The following CREBBP variants were observed in gnomAD, a reference collection of about 807,000 sequenced individuals.
The protein encoded by CREBBP is CREB binding lysine acetyltransferase.
A neutral mutation model predicts 265.0 loss-of-function variants in CREBBP; 19 were observed. That is an observed-to-expected ratio of 0.07 (90% confidence interval 0.05 to 0.11). The LOEUF (loss-of-function observed/expected upper bound fraction) is 0.11, where lower values mean the gene tolerates loss of function less well. CREBBP is among the 10% of genes least tolerant of loss of function. CREBBP has a pLI of 1.00. For missense variants in CREBBP, 2,525 were observed against 3,219.0 expected (o/e 0.78, Z 5.22); for synonymous variants, 1,457 against 1,223.7 (o/e 1.19, Z -3.98).
intron 16 of CREBBP, among the ~76,000 whole-genome samples, chr16:3,763,446 C>A (rs903241266): frequency 6.6e-6 from 1 of 152,082 alleles, no homozygotes; most frequent in East Asian, 1.9e-4. Flanking sequence ...CAGGTGTGAA[C>A]CCCAAAGCCC....
intron 1 of CREBBP, among the ~76,000 whole-genome samples, chr16:3,857,546 T>C (rs2054988617): frequency 6.6e-6 from 1 of 152,112 alleles, no homozygotes; most frequent in Non-Finnish European, 1.5e-5. Context: ...CACACCAAAG[T>C]GTCCCAACAC....
intron 16 of CREBBP, 36 bp downstream of exon 16, chr16:3,767,684 A>G: frequency 2.5e-6 from 4 of 1,613,924 alleles, no homozygotes; most frequent in Non-Finnish European, 3.4e-6. Context: ...GTGGAAAAGC[A>G]GCATGCTTTA....
chr16:3,732,338 T>G (rs904354485), intron 28 of CREBBP, among the ~76,000 whole-genome samples: 4 of 151,976 alleles, frequency 2.6e-5, no homozygotes, highest in Admixed American at 2.0e-4. Flanking sequence ...CATGAGAGCT[T>G]CCAGGAGACA....
In CREBBP at chr16:3,731,179, G is replaced by T. The variant is rs750893559; in HGVS notation, c.5172+13C>A. The stretch of plus-strand genomic sequence containing the variant: ...AGGCCGGCTGTGGGGGTGGGGGTGG[G>T]GGCAGGGCCTACCTCGCACACAGTG... On this transcript the variant is annotated intron_variant, in intron 30 of 30. Coordinates refer to ENST00000262367, the MANE Select transcript of CREBBP (RefSeq NM_004380.3). This position sits in a 1 kb window ranked among gnomAD's most constrained non-coding sequence, Gnocchi z 7.7. 3.1e-6 allele frequency: 5 copies of T among 1,607,100 alleles called. No homozygotes were observed. Among genetic ancestry groups the T allele is most frequent in the Non-Finnish European group, 4.3e-6 (5 of 1,175,814 alleles).
At chr16:3,751,105 C>T (rs940121971) in intron 20 of CREBBP, among the ~76,000 whole-genome samples, 1 of 151,746 alleles carries the variant, frequency 6.6e-6, no homozygotes, top group Admixed American at 6.6e-5. Context: ...AAAATGGAAC[C>T]ACTAGGAAAA....
chr16:3,752,463 T>A (rs1395866245), intron 19 of CREBBP, among the ~76,000 whole-genome samples: 2 of 152,012 alleles, frequency 1.3e-5, no homozygotes, highest in Non-Finnish European at 2.9e-5. Context: ...CTGTTTTTTT[T>A]TTTTTCATGT....
chr16:3,786,037 T>A (rs1317636630), intron 5 of CREBBP, among the ~76,000 whole-genome samples: 1 of 152,260 alleles, frequency 6.6e-6, no homozygotes, highest in African/African-American at 2.4e-5. Flanking sequence ...CCACTCTTCA[T>A]GCACAAACAA....
intron 2 of CREBBP, among the ~76,000 whole-genome samples, chr16:3,812,391 C>T (rs1000911190): frequency 2.0e-5 from 3 of 151,974 alleles, no homozygotes; most frequent in African/African-American, 4.8e-5. Flanking sequence ...GTTGGCCAAG[C>T]TGGTCTTGAA....
Position 3,736,763 on chromosome 16 carries a change from T to C in CREBBP, c.4447A>G (p.Ile1483Val), listed in dbSNP as rs2151329829. 1 of 1,614,158 alleles carries C rather than the reference T, an allele frequency of 6.2e-7. No homozygotes were observed. The highest frequency in any genetic ancestry group is 8.5e-7 in the Non-Finnish European group (1 of 1,180,030). ...ACPPSEGDDYIFHCHPPDQKI... is the reference protein window; with the variant it reads ...ACPPSEGDDYVFHCHPPDQKI... ...TGATCAGGTGGGTGGCAATGGAAGA[T>C]GTAATCATCTCCTTCACTTGGAGGA... The change falls in exon 27 of 31, where the codon ATC becomes GTC. Residue 1483 changes from isoleucine to valine, a missense_variant. Ile to Val is a conservative substitution (Grantham distance 29). Transcript: ENST00000262367.
At chr16:3,799,270 T>G (rs1418065674) in intron 3 of CREBBP, among the ~76,000 whole-genome samples, 2 of 152,186 alleles carry the variant, frequency 1.3e-5, no homozygotes, top group Non-Finnish European at 1.5e-5. Flanking sequence ...ATATACTAAA[T>G]ACCACTCAAC....
chr16:3,785,296 TTCAC>T (rs1369746564), intron 5 of CREBBP, among the ~76,000 whole-genome samples: 1 of 152,214 alleles, frequency 6.6e-6, no homozygotes, highest in Non-Finnish European at 1.5e-5. Context: ...CCTTCGTGTA[TTCAC>T]TCACTCACGT....
intron 2 of CREBBP, among the ~76,000 whole-genome samples, chr16:3,843,875 G>A (rs1053237797): frequency 2.6e-5 from 4 of 151,936 alleles, no homozygotes; most frequent in Non-Finnish European, 4.4e-5. Context: ...TCGGCCGGGC[G>A]CGGTGGCTCA....
At chr16:3,825,294 G>A (rs1016941844) in intron 2 of CREBBP, among the ~76,000 whole-genome samples, 2 of 152,048 alleles carry the variant, frequency 1.3e-5, no homozygotes, top group Non-Finnish European at 2.9e-5. Context: ...CACTGCTAAG[G>A]GCATTAAGTT....
intron 13 of CREBBP, among the ~76,000 whole-genome samples, chr16:3,771,600 C>A (rs754392755): frequency 2.6e-5 from 4 of 151,946 alleles, no homozygotes; most frequent in Non-Finnish European, 5.9e-5. Flanking sequence ...TCTTGGAACG[C>A]CTGAAACTGC....
intron 11 of CREBBP, among the ~76,000 whole-genome samples, chr16:3,775,197 C>T (rs753804895): frequency 2.0e-4 from 31 of 152,200 alleles, no homozygotes; most frequent in Non-Finnish European, 3.7e-4. Context: ...GCTGGGTTTA[C>T]ATTCATTGTT....
At chr16:3,761,695 G>C in intron 16 of CREBBP, 2 of 450,284 alleles carry the variant, frequency 4.4e-6, no homozygotes, top group Non-Finnish European at 4.3e-6. Flanking sequence ...CCACGCACAC[G>C]GTCCCCAGCA....
intron 23 of CREBBP, among the ~76,000 whole-genome samples, chr16:3,743,918 A>G (rs755731802): frequency 6.6e-6 from 1 of 152,140 alleles, no homozygotes; most frequent in Non-Finnish European, 1.5e-5. Flanking sequence ...TCTACTAAAA[A>G]TACAAAAATT....
At chr16:3,772,046 C>G (rs2053023451) in intron 13 of CREBBP, among the ~76,000 whole-genome samples, 2 of 151,850 alleles carry the variant, frequency 1.3e-5, no homozygotes, top group South Asian at 4.2e-4. Flanking sequence ...CACAGTTGAC[C>G]CCAGGTAACT....
chr16:3,747,991 G>A (rs1392001333), intron 21 of CREBBP, among the ~76,000 whole-genome samples: 2 of 152,246 alleles, frequency 1.3e-5, no homozygotes, highest in African/African-American at 2.4e-5. Flanking sequence ...TCGGGAGGCT[G>A]AGGCAGGAGA....
Sources: allele counts gnomAD v4.1 joint callset (sites outside exome capture counted in the v4.1 genomes callset), GRCh38; gene constraint gnomAD v4.1.1; non-coding constraint Gnocchi (gnomAD v3.1); transcripts MANE v1.5; gene names NCBI Gene and HGNC (gene_info 2026-07-23, HGNC 2026-07-21).